The following CPB2 variants were observed in gnomAD, a reference collection of about 807,000 sequenced individuals.
CPB2 encodes carboxypeptidase B-like protein.
A neutral mutation model predicts 57.0 loss-of-function variants in CPB2; 54 were observed. The observed-to-expected ratio is 0.95, with a 90% CI of 0.76 to 1.19. CPB2 has a LOEUF of 1.19. CPB2 is among the 50% of genes most tolerant of loss of function. CPB2 has a pLI of 0.00. For synonymous variants in CPB2, 189 were observed against 178.1 expected, an observed-to-expected ratio of 1.06 and a Z score of -0.49; for missense variants, 426 against 512.0, an observed-to-expected ratio of 0.83 and a Z score of 1.62.
At chr13:46,097,296 C>G (rs1386040923) in intron 1 of CPB2, 8 of 152,248 alleles carry the variant, frequency 5.3e-5, no homozygotes, top group Non-Finnish European at 1.2e-4. Flanking sequence ...TAAGGCTGAT[C>G]TAGCTACTGT....
chr13:46,060,817 T>A (rs1397577199), intron 8 of CPB2, among the ~76,000 whole-genome samples: 1 of 152,142 alleles, frequency 6.6e-6, no homozygotes, highest in East Asian at 1.9e-4. Flanking sequence ...GACTCTGCTT[T>A]ACCATTAAGC....
intron 6 of CPB2, among the ~76,000 whole-genome samples, chr13:46,070,924 A>G (rs1477033184): frequency 6.6e-6 from 1 of 152,230 alleles, no homozygotes; most frequent in Admixed American, 6.5e-5. Flanking sequence ...TTGAGCACCA[A>G]TTATGTTGAC....
chr13:46,082,739 C>T (rs759176341), intron 3 of CPB2, among the ~76,000 whole-genome samples, 190 bp from the exon 4 acceptor site: 19 of 152,172 alleles, frequency 1.2e-4, no homozygotes, highest in Non-Finnish European at 2.5e-4. Flanking sequence ...TCAGTAGAGC[C>T]TACATGGGCA....
At chr13:46,101,891 G>A (rs1478497409) in intron 1 of CPB2, among the ~76,000 whole-genome samples, 1 of 152,112 alleles carries the variant, frequency 6.6e-6, no homozygotes, top group Non-Finnish European at 1.5e-5. Context: ...CCCCTGCTAT[G>A]GTTTACAGGG....
chr13:46,060,763 T>C (rs926844143), intron 8 of CPB2, among the ~76,000 whole-genome samples: 3 of 152,092 alleles, frequency 2.0e-5, no homozygotes, highest in African/African-American at 7.2e-5. Flanking sequence ...ATTTCAAGCA[T>C]TTTAGTGGAA....
rs1364021019 is a variant in CPB2, at chr13:46,082,516, T to C, written c.309A>G (p.Gln103=). The change falls in exon 4 of 11, where the codon CAA becomes CAG. Residue 103 remains glutamine (Q), a synonymous_variant. Transcript: ENST00000181383. ...TGACTGTGTCGTTGGAAATCTGCTG[T>C]TGAATAAGATCTTCCACATCTGCCA... is the stretch of plus-strand genomic sequence containing the variant. ...VLLADVEDLI[Q]QQISNDTVSP... is the part of the protein sequence containing the mutation. 1.9e-6 allele frequency: 3 copies of C among 1,613,542 alleles called. No individual in the cohort carries two copies. Among genetic ancestry groups the C allele is most frequent in the South Asian group, 2.2e-5 (2 of 91,048 alleles).
At chr13:46,102,599 T>G (rs3991802) in intron 1 of CPB2, among the ~76,000 whole-genome samples, 2 of 120,362 alleles carry the variant, frequency 1.7e-5, no homozygotes, top group Non-Finnish European at 3.7e-5. Flanking sequence ...TTAGTTTTTT[T>G]TTTTTTTTTT....
In CPB2 at chr13:46,054,566, T is replaced by TG. The variant is rs574296840; in HGVS notation, c.1088-769dup. ...ATTAATTGAATAATCTGACTTTTTT[T>TG]GGGGGGGTGCTAAATTGAGTCCAGG... On this transcript the variant is annotated intron_variant, in intron 10 of 10. Coordinates refer to ENST00000181383, the MANE Select transcript of CPB2 (RefSeq NM_001872.5). 8.0e-4 allele frequency among the ~76,000 whole-genome samples: 122 copies of TG among 152,140 alleles called. 3 individuals carry two copies. In the South Asian group the frequency reaches 0.021, roughly 26 times the overall value.
intron 1 of CPB2, among the ~76,000 whole-genome samples, chr13:46,101,594 A>G (rs1472707949): frequency 6.6e-6 from 1 of 152,210 alleles, no homozygotes; most frequent in East Asian, 1.9e-4. Context: ...GCTGTGTTTC[A>G]ACTGCGTCTC....
chr13:46,103,297 T>C lies in CPB2; in HGVS notation c.74+1639A>G, dbSNP rs3783204. The stretch of plus-strand genomic sequence containing the variant: ...ACGCCAAGGCCATGATTAGATCTGC[T>C]AGTGGGTGAGAACCATGAGACTGAA... On this transcript the variant is annotated intron_variant, in intron 1 of 10. Coordinates refer to ENST00000181383, the MANE Select transcript of CPB2 (RefSeq NM_001872.5). 7.7e-4 allele frequency among the ~76,000 whole-genome samples: 117 copies of C among 152,366 alleles called. 2 individuals carry two copies. In the East Asian group the frequency reaches 0.021, roughly 28 times the overall value.
At position 46,059,315 on chromosome 13, in the gene CPB2, T is replaced by G. The variant is rs529829759; in HGVS notation, c.797-934A>C. Among the ~76,000 whole-genome samples the G allele has an allele frequency of 5.3e-5, 8 of 152,310 alleles. No individual in the cohort carries two copies. The South Asian group carries it at 1.7e-3, about 32-fold the overall frequency. On this transcript the variant is annotated intron_variant, in intron 8 of 10. Coordinates refer to ENST00000181383, the MANE Select transcript of CPB2 (RefSeq NM_001872.5). ...GGAGATGCAATCTGGATATTCTTGGTGGTAACCACTCTTCAGAATAAGAGG... is the reference window on the plus strand; with the variant it reads ...GGAGATGCAATCTGGATATTCTTGGGGGTAACCACTCTTCAGAATAAGAGG...
At chr13:46,069,419 A>G (rs2044904875) in intron 6 of CPB2, among the ~76,000 whole-genome samples, 1 of 152,208 alleles carries the variant, frequency 6.6e-6, no homozygotes, top group African/African-American at 2.4e-5. Flanking sequence ...TTTTGCAACC[A>G]TCACTAATAT....
In CPB2 at chr13:46,078,795, C is replaced by T. The variant is rs752198572; in HGVS notation, c.486+5G>A. On this transcript the variant is annotated splice_donor_5th_base_variant and intron_variant, in intron 5 of 10. Coordinates refer to ENST00000181383, the MANE Select transcript of CPB2 (RefSeq NM_001872.5). ...GAAAGATCAACAACTTTCCCCACAA[C>T]ATACCTTTAAAACATAGAGTGGGTA... is the stretch of plus-strand genomic sequence containing the variant. The T allele has an allele frequency of 1.3e-6, 2 of 1,578,320 alleles. No homozygotes were observed. Among genetic ancestry groups the T allele is most frequent in the Non-Finnish European group, 1.7e-6 (2 of 1,147,990 alleles).
rs1359436507 is a variant in CPB2, at chr13:46,073,997, A to T, written c.487-20T>A. The T allele has an allele frequency of 2.1e-6, 3 of 1,457,800 alleles. No individual in the cohort carries two copies. The Admixed American group carries it at 5.1e-5, about 25-fold the overall frequency. 90.3% of individuals were successfully genotyped at this position (1,457,800 alleles called of 1,614,324 possible). On this transcript the variant is annotated intron_variant, in intron 5 of 10. Coordinates refer to ENST00000181383, the MANE Select transcript of CPB2 (RefSeq NM_001872.5). Reference sequence around the variant, plus strand: ...AGAAACCTGCTCAAAGAAACCCCAAAAGTAGCAAAAACAGTAACAATAAGC... The same window carrying T: ...AGAAACCTGCTCAAAGAAACCCCAATAGTAGCAAAAACAGTAACAATAAGC...
chr13:46,054,464 G>A (rs2044660146), intron 10 of CPB2, among the ~76,000 whole-genome samples: 1 of 151,984 alleles, frequency 6.6e-6, no homozygotes, highest in Non-Finnish European at 1.5e-5. Context: ...TGCTGTACCT[G>A]GAATTTACTT....
At position 46,054,150 on chromosome 13, in the gene CPB2, C is replaced by T. The variant is rs983567028; in HGVS notation, c.1088-352G>A. Among the ~76,000 whole-genome samples the T allele has an allele frequency of 7.9e-5, 12 of 152,234 alleles. 1 individual carries two copies. In the South Asian group the frequency reaches 2.5e-3, roughly 32 times the overall value. ...ATACCATCAATAGGAATTATGAATT[C>T]TGATAATTTTATGGGCGAAAAATAA... On this transcript the variant is annotated intron_variant, in intron 10 of 10. Coordinates refer to ENST00000181383, the MANE Select transcript of CPB2 (RefSeq NM_001872.5).
At chr13:46,070,373 C>A (rs2044921730) in intron 6 of CPB2, among the ~76,000 whole-genome samples, 1 of 151,972 alleles carries the variant, frequency 6.6e-6, no homozygotes, top group South Asian at 2.1e-4. Flanking sequence ...AATTGAGAAG[C>A]CTCTGTATAA....
intron 1 of CPB2, among the ~76,000 whole-genome samples, chr13:46,101,636 A>T (rs1341611757): frequency 6.6e-6 from 1 of 152,184 alleles, no homozygotes; most frequent in Non-Finnish European, 1.5e-5. Context: ...TTACACAATA[A>T]CCACTTGAGA....
At chr13:46,058,518 C>T (rs2044728914) in intron 8 of CPB2, 137 bp from the exon 9 acceptor site, 3 of 681,702 alleles carry the variant, frequency 4.4e-6, no homozygotes, top group African/African-American at 1.8e-5. Flanking sequence ...CTGCAAAGAA[C>T]ATAGTTCCAC....
Sources: allele counts gnomAD v4.1 joint callset (sites outside exome capture counted in the v4.1 genomes callset), GRCh38; gene constraint gnomAD v4.1.1; transcripts MANE v1.5; gene names NCBI Gene and HGNC (gene_info 2026-07-23, HGNC 2026-07-21).